The following COX11 variants were observed in gnomAD, a reference collection of about 807,000 sequenced individuals.
The protein encoded by COX11 is cytochrome c oxidase copper chaperone COX11.
COX11 carries 18 observed loss-of-function variants against 29.4 expected under a neutral mutation model. The observed-to-expected ratio is 0.61, with a 90% CI of 0.42 to 0.91. The LOEUF (loss-of-function observed/expected upper bound fraction) is 0.91, where lower values mean the gene tolerates loss of function less well. COX11 is among the 40% of genes least tolerant of loss of function. COX11 has a pLI of 0.00. For synonymous variants in COX11, 131 were observed against 124.0 expected (o/e 1.06, Z -0.38); for missense variants, 312 against 346.0 (o/e 0.90, Z 0.78).
exon 1 of COX11, chr17:54,953,707 C>A (rs1428052007): frequency 6.6e-6 from 1 of 152,262 alleles, no homozygotes. Context: ...TGTAGGGCTG[C>A]CGCATCTTCT....
rs535789229 is a variant in COX11 at position 54,962,158 on chromosome 17, T to C, written c.*575A>G. 4.0e-4 allele frequency: 381 copies of C among 958,496 alleles called. No individual in the cohort carries two copies. The highest frequency in any genetic ancestry group is 4.6e-4 in the Non-Finnish European group (370 of 805,228). The allele number at this position is 958,496 out of a possible 1,614,324, so 59.4% of individuals were successfully genotyped here. A position where few individuals can be genotyped will look rare whatever the true frequency, so the allele number is the denominator to read the frequency against. On this transcript the variant is annotated 3_prime_UTR_variant, in exon 4 of 4. Transcript: ENST00000299335. ...ATTATTCAGAACTCTGAATATAAAA[T>C]AGCCCTAAACCTTAAAGGACAAATC... is the stretch of plus-strand genomic sequence containing the variant.
In COX11 at chr17:54,962,684, A is replaced by G; in HGVS notation, c.*49T>C. 6.3e-7 allele frequency: 1 copy of G among 1,588,846 alleles called. No homozygotes were observed. The highest frequency in any genetic ancestry group is 2.2e-5 in the East Asian group (1 of 44,492). On this transcript the variant is annotated 3_prime_UTR_variant, in exon 4 of 4. Coordinates refer to ENST00000299335, the MANE Select transcript of COX11 (RefSeq NM_004375.5). ...TTTCTCCTTTGAGAAGATAGGATATATGATTTTCCCAAAAATCACAACTTT... is the reference window on the plus strand; with the variant it reads ...TTTCTCCTTTGAGAAGATAGGATATGTGATTTTCCCAAAAATCACAACTTT...
At chr17:54,967,074 G>A (rs1336565168) in intron 1 of COX11, among the ~76,000 whole-genome samples, 2 of 144,956 alleles carry the variant, frequency 1.4e-5, no homozygotes, top group East Asian at 2.2e-4. Flanking sequence ...ACACACACAC[G>A]GAAAGAGTGA....
downstream of COX11, among the ~76,000 whole-genome samples, chr17:54,958,873 G>A (rs927738569): frequency 6.6e-6 from 1 of 152,136 alleles, no homozygotes; most frequent in African/African-American, 2.4e-5. Flanking sequence ...TTGAAGAATA[G>A]GATCTGGCAT....
intron 1 of COX11, among the ~76,000 whole-genome samples, chr17:54,967,490 G>A (rs2077261524): frequency 6.6e-6 from 1 of 152,106 alleles, no homozygotes; most frequent in Non-Finnish European, 1.5e-5. Flanking sequence ...TAAAATACGT[G>A]AAACTTGTCT....
intron 1 of COX11, among the ~76,000 whole-genome samples, 175 bp from the exon 2 acceptor site, chr17:54,965,027 G>A (rs1291233323): frequency 6.6e-6 from 1 of 152,184 alleles, no homozygotes; most frequent in Non-Finnish European, 1.5e-5. Context: ...GGGATGTCAT[G>A]AGCCTGTATT....
chr17:54,964,279 A>G (rs1277555928), intron 2 of COX11, among the ~76,000 whole-genome samples: 3 of 152,174 alleles, frequency 2.0e-5, no homozygotes, highest in Admixed American at 6.5e-5. Flanking sequence ...TTCTTTTAGA[A>G]GGACAGGGAT....
exon 1 of COX11, chr17:54,954,152 T>C (rs2049373683): frequency 6.6e-6 from 1 of 152,168 alleles, no homozygotes; most frequent in African/African-American, 2.4e-5. Flanking sequence ...AGCACACATA[T>C]TGTCTGCCTC....
In COX11 at chr17:54,954,708, T is replaced by C. The variant is rs1453822565; in HGVS notation, n.442A>G. 3.9e-5 allele frequency: 6 copies of C among 152,208 alleles called. No individual in the cohort carries two copies. The East Asian group carries it at 9.6e-4, about 24-fold the overall frequency. The allele number at this position is 152,208 out of a possible 1,614,324, so 9.4% of individuals were successfully genotyped here. Reference sequence around the variant, plus strand: ...CTCTTCTTACTTGTTCCCTTCCCTATAGGCCCCCACATGACTGATGCTTCC... The same window carrying C: ...CTCTTCTTACTTGTTCCCTTCCCTACAGGCCCCCACATGACTGATGCTTCC... On this transcript the variant is annotated non_coding_transcript_exon_variant, in exon 1 of 1. Coordinates refer to the COX11 transcript ENST00000572088.
At position 54,960,647 on chromosome 17, in the gene COX11, CA is replaced by C; in HGVS notation, c.*2085del. The C allele has an allele frequency of 6.5e-7, 1 of 1,550,056 alleles. No homozygotes were observed. Among genetic ancestry groups the C allele is most frequent in the Non-Finnish European group, 8.9e-7 (1 of 1,122,768 alleles). ...ACTGAGGTAAAGACTTCAACTTATA[CA>C]ACTTAATTCCATATTCCATATAATT... On this transcript the variant is annotated 3_prime_UTR_variant, in exon 4 of 4. Coordinates refer to ENST00000299335, the MANE Select transcript of COX11 (RefSeq NM_004375.5).
At chr17:54,967,038 GCGCGCACACA>G (rs1567858868) in intron 1 of COX11, among the ~76,000 whole-genome samples, 113 of 100,210 alleles carry the variant, frequency 1.1e-3, no homozygotes, top group Middle Eastern at 6.1e-3. Flanking sequence ...ACGTGCGCGC[GCGCGCACACA>G]CACACACACA....
chr17:54,963,240 TAA>T (rs772200968), intron 3 of COX11, 64 bp downstream of exon 3: 11 of 1,516,468 alleles, frequency 7.3e-6, no homozygotes, highest in Admixed American at 2.1e-5. Context: ...ACTAAAACAC[TAA>T]GTTTCATACT....
rs1170198569 is a variant in COX11 at position 54,963,318 on chromosome 17, G to A, written c.636C>T (p.Phe212=). The change falls in exon 3 of 4, where the codon TTC becomes TTT. Residue 212 remains phenylalanine (F), a synonymous_variant. Coordinates refer to ENST00000299335, the MANE Select transcript of COX11 (RefSeq NM_004375.5). ...NIVPFEAGQY[F]NKIQCFCFEE... ...CACTTTGATGTACCTGTATTTTATT[G>A]AAATACTGTCCAGCTTCAAATGGAA... 1.2e-6 allele frequency: 2 copies of A among 1,609,506 alleles called. No homozygotes were observed. The highest frequency in any genetic ancestry group is 2.2e-5 in the East Asian group (1 of 44,686).
Position 54,961,061 on chromosome 17 carries a change from C to T in COX11, c.*1672G>A. 1.6e-6 allele frequency: 1 copy of T among 613,306 alleles called. No homozygotes were observed. The highest frequency in any genetic ancestry group is 2.8e-5 in the East Asian group (1 of 35,974). 38.0% of individuals were successfully genotyped at this position (613,306 alleles called of 1,614,324 possible). A position where few individuals can be genotyped will look rare whatever the true frequency, so the allele number is the denominator to read the frequency against. On this transcript the variant is annotated 3_prime_UTR_variant, in exon 4 of 4. Transcript: ENST00000299335. ...TTACTATTTAATGGTCACCAATGAA[C>T]TATCAAAACTTATTTATTCCCCTTA...
upstream of COX11, chr17:54,968,783 T>G (rs897233667): frequency 5.8e-6 from 6 of 1,028,466 alleles, no homozygotes; most frequent in Non-Finnish European, 8.5e-6. Flanking sequence ...GCGCTTGCAG[T>G]CGGGCTACGG....
chr17:54,959,616 AT>A (rs71361745), downstream of COX11: 37,878 of 138,416 alleles, frequency 0.27, 4,748 homozygotes, highest in African/African-American at 0.33. Flanking sequence ...TGGAAGATTA[AT>A]TTTTTTTTTT....
chr17:54,967,766 CAG>C (rs557649664), intron 1 of COX11, among the ~76,000 whole-genome samples: 424 of 152,172 alleles, frequency 2.8e-3, no homozygotes, highest in Non-Finnish European at 5.0e-3. Flanking sequence ...TATATATTAA[CAG>C]GGGTGGGGCG....
At chr17:54,960,032 G>A (rs2077074222), downstream of COX11, among the ~76,000 whole-genome samples, 1 of 152,018 alleles carries the variant, frequency 6.6e-6, no homozygotes, top group Non-Finnish European at 1.5e-5. Flanking sequence ...AAAATTAATT[G>A]GTTCTATGAA....
In COX11 at chr17:54,960,494, C is replaced by T. The variant is rs2077091775; in HGVS notation, c.*2239G>A. 1 of 1,106,134 alleles carries T rather than the reference C, an allele frequency of 9.0e-7. No individual in the cohort carries two copies. The highest frequency in any genetic ancestry group is 1.4e-6 in the Non-Finnish European group (1 of 719,532). The allele number at this position is 1,106,134 out of a possible 1,614,324, so 68.5% of individuals were successfully genotyped here. Reference sequence around the variant, plus strand: ...ACCAGCTCAATTTTTAATTACAGTGCTGGCAGTTAAAAACCAAAATAGCAC... The same window carrying T: ...ACCAGCTCAATTTTTAATTACAGTGTTGGCAGTTAAAAACCAAAATAGCAC... On this transcript the variant is annotated 3_prime_UTR_variant, in exon 4 of 4. Transcript: ENST00000299335.
Sources: gnomAD v4.1 joint callset for allele counts (sites outside exome capture counted in the v4.1 genomes callset) on GRCh38, gnomAD v4.1.1 for gene constraint, MANE v1.5 for transcripts, NCBI Gene and HGNC (gene_info 2026-07-23, HGNC 2026-07-21) for gene names.